The following STXBP5L variants were observed in gnomAD, a reference collection of about 807,000 sequenced individuals.
STXBP5L encodes the protein syntaxin binding protein 5L.
In STXBP5L, 65 loss-of-function variants were observed where a neutral mutation model predicts 144.5. The observed-to-expected ratio is 0.45, with a 90% CI of 0.37 to 0.55. The LOEUF is 0.55. Ranked by LOEUF, STXBP5L falls within the 20% of genes least tolerant of loss-of-function variation. The pLI, the probability that STXBP5L is intolerant of heterozygous loss-of-function variation, is 0.00. For missense variants in STXBP5L, 1,298 were observed against 1,405.5 expected (o/e 0.92, Z 1.22); for synonymous variants, 505 against 469.6 (o/e 1.08, Z -0.97).
At chr3:120,968,343 C>T (rs1939841365) in intron 3 of STXBP5L, among the ~76,000 whole-genome samples, 1 of 152,112 alleles carries the variant, frequency 6.6e-6, no homozygotes, top group African/African-American at 2.4e-5. Flanking sequence ...ACCCCTTCAT[C>T]ATCATATAAT....
At chr3:121,378,611 A>G (rs1349595043) in intron 20 of STXBP5L, 105 bp from the exon 21 acceptor site, 4 of 1,276,790 alleles carry the variant, frequency 3.1e-6, no homozygotes, top group Non-Finnish European at 1.0e-6. Flanking sequence ...GGTTTAGAAA[A>G]TAAAGGAATT....
intron 4 of STXBP5L, among the ~76,000 whole-genome samples, chr3:121,043,209 T>TG (rs1185689202): frequency 6.6e-6 from 1 of 152,178 alleles, no homozygotes; most frequent in East Asian, 1.9e-4. Flanking sequence ...TCCCAGTTTC[T>TG]GACCTGACTG....
At chr3:121,204,285 T>C (rs2048251229) in intron 9 of STXBP5L, among the ~76,000 whole-genome samples, 2 of 152,178 alleles carry the variant, frequency 1.3e-5, no homozygotes, top group African/African-American at 4.8e-5. Context: ...AAAAGTTTTC[T>C]CTTTCTAAGA....
At chr3:121,075,712 G>C (rs775481463) in intron 5 of STXBP5L, among the ~76,000 whole-genome samples, 1 of 152,120 alleles carries the variant, frequency 6.6e-6, no homozygotes, top group Non-Finnish European at 1.5e-5. Context: ...TCTGATATTG[G>C]CCTTTTTCCC....
In STXBP5L at chr3:121,193,092, C is replaced by T. The variant is rs1279532640; in HGVS notation, c.878-12831C>T. ...TACCTATCTGACAAAGGGCTAATATCCAGAATCTACAAAGATCTTAAACAA... is the reference window on the plus strand; with the variant it reads ...TACCTATCTGACAAAGGGCTAATATTCAGAATCTACAAAGATCTTAAACAA... On this transcript the variant is annotated intron_variant, in intron 9 of 26. Coordinates refer to ENST00000471454, the MANE Select transcript of STXBP5L (RefSeq NM_001308330.2). 4.2e-5 allele frequency among the ~76,000 whole-genome samples: 6 copies of T among 142,576 alleles called. 2 individuals carry two copies. Among genetic ancestry groups the T allele is most frequent in the Non-Finnish European group, 9.2e-5 (6 of 65,546 alleles). 93.5% of individuals were successfully genotyped at this position (142,576 alleles called of 152,430 possible).
intron 18 of STXBP5L, among the ~76,000 whole-genome samples, chr3:121,278,079 C>T (rs1300883398): frequency 1.3e-5 from 2 of 151,966 alleles, no homozygotes; most frequent in Non-Finnish European, 2.9e-5. Context: ...TTTTTGTAGT[C>T]TCAGTCTCTC....
At chr3:121,213,939 G>T (rs2048679229) in intron 10 of STXBP5L, among the ~76,000 whole-genome samples, 1 of 152,050 alleles carries the variant, frequency 6.6e-6, no homozygotes, top group African/African-American at 2.4e-5. Context: ...TCTTGGGAGG[G>T]TATATGTGGT....
intron 2 of STXBP5L, among the ~76,000 whole-genome samples, chr3:120,914,712 A>G (rs551752999): frequency 1.8e-4 from 28 of 152,268 alleles, no homozygotes; most frequent in Non-Finnish European, 3.5e-4. Flanking sequence ...AAAAAGAATA[A>G]TAGAAGATTC....
At chr3:121,080,085 T>C (rs964971667) in intron 5 of STXBP5L, among the ~76,000 whole-genome samples, 1 of 152,244 alleles carries the variant, frequency 6.6e-6, no homozygotes, top group Non-Finnish European at 1.5e-5. Context: ...TGTCCTTCTT[T>C]GTCTTTTTTT....
At chr3:120,984,632 C>CTTTTTTTTTTTTTTTTTTTTTTTCT (rs35656223) in intron 3 of STXBP5L, among the ~76,000 whole-genome samples, 6 of 71,966 alleles carry the variant, frequency 8.3e-5, no homozygotes, top group Middle Eastern at 0.015. Context: ...TCTTTCTTTC[C>CTTTTTTTTTTTTTTTTTTTTTTTCT]TTTTTTTTTT....
At position 121,096,709 on chromosome 3, in the gene STXBP5L, C is replaced by T. The variant is rs72956027; in HGVS notation, c.471-18216C>T. Among the ~76,000 whole-genome samples the T allele has an allele frequency of 2.5e-3, 380 of 152,182 alleles. 2 individuals are homozygous for T. The highest frequency in any genetic ancestry group is 8.6e-3 in the African/African-American group (356 of 41,546). On this transcript the variant is annotated intron_variant, in intron 5 of 26. Transcript: ENST00000471454. ...AAGAAAAAAAAAAGCCTGTTTTTTC[C>T]TCTGGAATCTTTGTCCCAGAGGGGA...
chr3:121,018,902 G>T (rs753161894), intron 3 of STXBP5L, among the ~76,000 whole-genome samples: 1 of 152,176 alleles, frequency 6.6e-6, no homozygotes, highest in Non-Finnish European at 1.5e-5. Context: ...GATTGCTGCT[G>T]CAGGCTCTAT....
chr3:121,386,889 G>A (rs896078997), intron 22 of STXBP5L, among the ~76,000 whole-genome samples: 5 of 152,172 alleles, frequency 3.3e-5, no homozygotes, highest in Admixed American at 6.5e-5. Flanking sequence ...CTTTATAGTA[G>A]CATGATTTAT....
chr3:121,147,211 C>A (rs1299585742), intron 7 of STXBP5L, among the ~76,000 whole-genome samples: 4 of 151,916 alleles, frequency 2.6e-5, no homozygotes, highest in Admixed American at 1.3e-4. Flanking sequence ...TTTGCTGAAC[C>A]AAAAAACATG....
intron 4 of STXBP5L, among the ~76,000 whole-genome samples, chr3:121,044,076 AGGCTT>A (rs1947343642): frequency 6.6e-6 from 1 of 152,192 alleles, no homozygotes; most frequent in Non-Finnish European, 1.5e-5. Flanking sequence ...AAAATTATCA[AGGCTT>A]ATATATAGAA....
intron 5 of STXBP5L, among the ~76,000 whole-genome samples, chr3:121,077,091 C>T (rs1486167341): frequency 1.3e-5 from 2 of 152,214 alleles, no homozygotes; most frequent in Non-Finnish European, 1.5e-5. Context: ...CTCTTTCACA[C>T]ACTTTCACAC....
chr3:121,026,231 G>T (rs1945934193), intron 3 of STXBP5L, among the ~76,000 whole-genome samples: 1 of 151,538 alleles, frequency 6.6e-6, no homozygotes, highest in African/African-American at 2.4e-5. Context: ...ACCTTTTACA[G>T]TTCTTTTAAT....
intron 3 of STXBP5L, among the ~76,000 whole-genome samples, chr3:120,989,896 A>G (rs1942664282): frequency 6.6e-6 from 1 of 152,170 alleles, no homozygotes; most frequent in South Asian, 2.1e-4. Flanking sequence ...GAAAACTGGC[A>G]CAAGACAGGG....
chr3:121,150,540 A>G (rs1429230771), intron 7 of STXBP5L, among the ~76,000 whole-genome samples: 1 of 151,984 alleles, frequency 6.6e-6, no homozygotes, highest in East Asian at 1.9e-4. Context: ...TTTGAGGTTC[A>G]GTATGTTATA....
Sources: allele counts gnomAD v4.1 joint callset (sites outside exome capture counted in the v4.1 genomes callset), GRCh38; gene constraint gnomAD v4.1.1; transcripts MANE v1.5; gene names NCBI Gene and HGNC (gene_info 2026-07-23, HGNC 2026-07-21).